Variants in CFAP46 observed in about 807,000 individuals in gnomAD.
CFAP46 encodes the protein cilia and flagella associated protein 46, also known as cilia- and flagella-associated protein 46.
A neutral mutation model predicts 325.7 loss-of-function variants in CFAP46; 245 were observed. The ratio of observed to expected loss-of-function variants is 0.75; its 90% CI spans 0.68 to 0.84. The LOEUF (loss-of-function observed/expected upper bound fraction) is 0.84. Among genes scored for constraint, CFAP46 ranks in the 40% least tolerant of loss-of-function variants. CFAP46 has a pLI of 0.00. For synonymous variants in CFAP46, 1,523 were observed against 1,495.9 expected (o/e 1.02, Z -0.42); for missense variants, 3,346 against 3,543.0 (o/e 0.94, Z 1.41).
At chr10:132,941,119 A>G (rs1170516887) in intron 3 of CFAP46, 59 bp from the exon 4 acceptor site, 1 of 1,564,390 alleles carries the variant, frequency 6.4e-7, no homozygotes, top group Non-Finnish European at 8.8e-7. Flanking sequence ...TCACTGCCCC[A>G]TCTGCGGATG....
intron 5 of CFAP46, 69 bp from the exon 6 acceptor site, chr10:132,937,744 A>T: frequency 6.6e-7 from 1 of 1,523,138 alleles, no homozygotes; most frequent in Non-Finnish European, 8.8e-7. Flanking sequence ...TAACCAGGTT[A>T]TTAAACCATT....
At chr10:132,920,381 G>A (rs1849705145) in intron 13 of CFAP46, among the ~76,000 whole-genome samples, 199 bp from the exon 14 acceptor site, 1 of 152,180 alleles carries the variant, frequency 6.6e-6, no homozygotes, top group Admixed American at 6.5e-5. Flanking sequence ...TCCTGCCGGC[G>A]ATGAGGCCGA....
intron 9 of CFAP46, among the ~76,000 whole-genome samples, chr10:132,927,007 G>A (rs951924206): frequency 1.3e-5 from 2 of 152,194 alleles, no homozygotes; most frequent in African/African-American, 4.8e-5. Context: ...AGTCTGGGAA[G>A]CAATGTGTTG....
intron 50 of CFAP46, among the ~76,000 whole-genome samples, chr10:132,825,701 G>A (rs1848033859): frequency 6.6e-6 from 1 of 152,314 alleles, no homozygotes; most frequent in East Asian, 1.9e-4. Flanking sequence ...GTACAGAGAA[G>A]ACATTTGTCA....
At chr10:132,831,883 ACT>A (rs1848152730) in intron 50 of CFAP46, among the ~76,000 whole-genome samples, 1 of 149,964 alleles carries the variant, frequency 6.7e-6, no homozygotes, top group Admixed American at 6.6e-5. Context: ...TTTGCTATAA[ACT>A]CTGTGGGGTT....
At chr10:132,885,350 A>G in intron 26 of CFAP46, 64 bp from the exon 27 acceptor site, 2 of 1,445,870 alleles carry the variant, frequency 1.4e-6, no homozygotes, top group Non-Finnish European at 1.9e-6. Context: ...AACGTGGGTG[A>G]TGCAGCCCGG....
intron 7 of CFAP46, among the ~76,000 whole-genome samples, chr10:132,935,253 CTTGGTA>C: frequency 6.6e-6 from 1 of 152,016 alleles, no homozygotes; most frequent in South Asian, 2.1e-4. Flanking sequence ...CCTCACTCCC[CTTGGTA>C]TCCAAACCCA....
chr10:132,931,103 C>T (rs1246951021), intron 8 of CFAP46, among the ~76,000 whole-genome samples: 1 of 89,776 alleles, frequency 1.1e-5, no homozygotes, highest in Non-Finnish European at 2.3e-5. Context: ...CCCCACACTC[C>T]CCACGCAGAG....
chr10:132,899,391 C>T (rs1363550194), intron 23 of CFAP46, 144 bp downstream of exon 23: 3 of 1,226,478 alleles, frequency 2.4e-6, no homozygotes, highest in Non-Finnish European at 3.3e-6. Context: ...AGACTGTGCC[C>T]TGAACTGGCC....
intron 17 of CFAP46, 24 bp from the exon 18 acceptor site, chr10:132,913,282 C>T (rs1380755282): frequency 6.5e-7 from 1 of 1,543,256 alleles, no homozygotes; most frequent in African/African-American, 1.4e-5. Context: ...ACCACCAAGC[C>T]CTTAATGCAG....
At chr10:132,878,729 G>A (rs1370022817) in intron 29 of CFAP46, among the ~76,000 whole-genome samples, 42 of 152,146 alleles carry the variant, frequency 2.8e-4, no homozygotes, top group African/African-American at 7.2e-5. Context: ...GGATAGGGGG[G>A]CCTCCCTGCC....
chr10:132,929,675 C>G, intron 9 of CFAP46, 30 bp downstream of exon 9: 1 of 1,585,304 alleles, frequency 6.3e-7, no homozygotes, highest in East Asian at 2.2e-5. Context: ...GCGCCTCATC[C>G]CCAGGCAGCA....
At chr10:132,926,230 G>A (rs1420106932) in intron 10 of CFAP46, among the ~76,000 whole-genome samples, 2 of 152,168 alleles carry the variant, frequency 1.3e-5, no homozygotes, top group South Asian at 2.1e-4. Flanking sequence ...CATGGGACGC[G>A]TGGCCGTCCC....
chr10:132,908,291 G>A (rs1416376569), intron 22 of CFAP46, 177 bp downstream of exon 22: 7 of 713,310 alleles, frequency 9.8e-6, no homozygotes, highest in Non-Finnish European at 1.6e-5. Context: ...CCCGTTTTGG[G>A]GACCTGGTGG....
chr10:132,850,177 C>T, intron 41 of CFAP46, 67 bp downstream of exon 41: 4 of 1,480,944 alleles, frequency 2.7e-6, no homozygotes, highest in Non-Finnish European at 3.7e-6. Flanking sequence ...AAACACTTCG[C>T]TTGTGTTTTT....
At chr10:132,871,669 C>T (rs1442863899) in intron 32 of CFAP46, among the ~76,000 whole-genome samples, 2 of 152,236 alleles carry the variant, frequency 1.3e-5, no homozygotes, top group East Asian at 3.9e-4. Flanking sequence ...TTGCTGCAAT[C>T]TCAAGAGAAA....
At chr10:132,940,847 AGAT>A in intron 4 of CFAP46, 146 bp downstream of exon 4, 2 of 739,818 alleles carry the variant, frequency 2.7e-6, no homozygotes, top group Non-Finnish European at 4.6e-6. Flanking sequence ...CACGCTGACG[AGAT>A]GAGGGAGTGA....
chr10:132,831,768 A>G (rs925980041), intron 50 of CFAP46, among the ~76,000 whole-genome samples: 3 of 151,170 alleles, frequency 2.0e-5, no homozygotes, highest in Non-Finnish European at 3.0e-5. Flanking sequence ...CTATCTTGCT[A>G]TTTGTTTTTC....
intron 23 of CFAP46, among the ~76,000 whole-genome samples, 187 bp from the exon 24 acceptor site, chr10:132,899,308 G>A (rs1849361523): frequency 6.6e-6 from 1 of 152,178 alleles, no homozygotes; most frequent in Non-Finnish European, 1.5e-5. Context: ...CACGAGGTCA[G>A]ACCCCCACCA....
Sources: gnomAD v4.1 joint callset for allele counts (sites outside exome capture counted in the v4.1 genomes callset) on GRCh38, gnomAD v4.1.1 for gene constraint, MANE v1.5 for transcripts, NCBI Gene and HGNC (gene_info 2026-07-23, HGNC 2026-07-21) for gene names.